The following BCO2 variants were observed in gnomAD, a reference collection of about 807,000 sequenced individuals.
BCO2 encodes the protein carotenoid-cleaving dioxygenase, mitochondrial.
BCO2 carries 56 observed loss-of-function variants against 65.8 expected under a neutral mutation model. The observed-to-expected ratio is 0.85, with a 90% CI of 0.69 to 1.06. The LOEUF (loss-of-function observed/expected upper bound fraction) is 1.06, where lower values mean the gene tolerates loss of function less well. Ranked by LOEUF, BCO2 falls within the 50% of genes least tolerant of loss-of-function variation. BCO2 has a pLI of 0.00. For synonymous variants in BCO2, 233 were observed against 242.3 expected, an observed-to-expected ratio of 0.96 and a Z score of 0.36; for missense variants, 675 against 698.5, an observed-to-expected ratio of 0.97 and a Z score of 0.38.
In BCO2 at chr11:112,196,915, T is replaced by TCCTTCCCTTCCCTTCCCTTCCCTTC. The variant is rs71060231; in HGVS notation, c.736+2186_736+2210dup. ...TTCTCCTTCCTTTCCTTCCTTTCCTTCCTTCCCTTCCCTTCCCTTCCCTTC... is the reference window on the plus strand; with the variant it reads ...TTCTCCTTCCTTTCCTTCCTTTCCTTCCTTCCCTTCCCTTCCCTTCCCTTCCCTTCCCTTCCCTTCCCTTCCCTTC... On this transcript the variant is annotated intron_variant, in intron 5 of 11. Coordinates refer to ENST00000357685, the MANE Select transcript of BCO2 (RefSeq NM_031938.7). 2.4e-3 allele frequency among the ~76,000 whole-genome samples: 301 copies of TCCTTCCCTTCCCTTCCCTTCCCTTC among 124,332 alleles called. 1 individual carries two copies. Among genetic ancestry groups the TCCTTCCCTTCCCTTCCCTTCCCTTC allele is most frequent in the African/African-American group, 9.0e-3 (274 of 30,444 alleles). The allele number at this position is 124,332 out of a possible 152,430, so 81.6% of individuals were successfully genotyped here.
chr11:112,179,815 C>G, intron 2 of BCO2: 1 of 299,078 alleles, frequency 3.3e-6, no homozygotes, highest in Non-Finnish European at 6.5e-6. Context: ...CTCTCCCTCA[C>G]CCAGCACTTG....
At chr11:112,204,536 G>A (rs1592858094) in intron 8 of BCO2, among the ~76,000 whole-genome samples, 1 of 152,158 alleles carries the variant, frequency 6.6e-6, no homozygotes, top group Non-Finnish European at 1.5e-5. Context: ...CCCTGAGATA[G>A]CAAGACCAAC....
chr11:112,198,754 G>A (rs1209273669), intron 5 of BCO2, among the ~76,000 whole-genome samples: 2 of 152,110 alleles, frequency 1.3e-5, no homozygotes, highest in Non-Finnish European at 2.9e-5. Flanking sequence ...GGGTCCAGAG[G>A]GCTGGAGGGA....
Position 112,208,922 on chromosome 11 carries a change from C to T in BCO2, c.1195-4802C>T, listed in dbSNP as rs568525525. The T allele has an allele frequency of 9.8e-4, 155 of 158,648 alleles. 1 individual carries two copies. The highest frequency in any genetic ancestry group is 1.8e-3 in the Non-Finnish European group (125 of 69,706). 9.8% of individuals were successfully genotyped at this position (158,648 alleles called of 1,614,324 possible). ...AATCACTGTGGCTGCTGTTTGTCAT[C>T]AGACAAAAGAATTACCTTTACAATA... On this transcript the variant is annotated intron_variant, in intron 8 of 11. Transcript: ENST00000357685.
chr11:112,209,089 T>C (rs969565867), intron 8 of BCO2, among the ~76,000 whole-genome samples: 11 of 152,144 alleles, frequency 7.2e-5, no homozygotes, highest in African/African-American at 2.7e-4. Context: ...AATGTAGGAG[T>C]GTTACATTAT....
chr11:112,211,800 C>T (rs995995657), intron 8 of BCO2, among the ~76,000 whole-genome samples: 6 of 152,148 alleles, frequency 3.9e-5, no homozygotes, highest in Admixed American at 2.0e-4. Context: ...CTTTTCATCC[C>T]AAACCTGGCC....
intron 8 of BCO2, chr11:112,208,943 C>A (rs1239746352): frequency 6.4e-6 from 1 of 155,954 alleles, no homozygotes; most frequent in Non-Finnish European, 1.4e-5. Context: ...ATTACCTTTA[C>A]AATAAAGGAC....
At chr11:112,177,451 A>G (rs920817806) in intron 1 of BCO2, among the ~76,000 whole-genome samples, 2 of 152,226 alleles carry the variant, frequency 1.3e-5, no homozygotes, top group Non-Finnish European at 2.9e-5. Context: ...CTGAAATAAA[A>G]CACAGTGTCA....
Position 112,218,060 on chromosome 11 carries a change from C to T in BCO2, c.*186C>T. ...ATGGGTTCGTTAGAAGTCCAAACCT[C>T]AGCAGCACACAATATACTCATGTAA... is the stretch of plus-strand genomic sequence containing the variant. On this transcript the variant is annotated 3_prime_UTR_variant, in exon 12 of 12. Coordinates refer to ENST00000357685, the MANE Select transcript of BCO2 (RefSeq NM_031938.7). The T allele has an allele frequency of 3.7e-6, 2 of 533,936 alleles. No homozygotes were observed. The highest frequency in any genetic ancestry group is 6.6e-6 in the Non-Finnish European group (2 of 301,540). 33.1% of individuals were successfully genotyped at this position (533,936 alleles called of 1,614,324 possible).
chr11:112,214,261 C>T (rs1355019679), intron 9 of BCO2, among the ~76,000 whole-genome samples: 2 of 152,186 alleles, frequency 1.3e-5, no homozygotes, highest in Non-Finnish European at 2.9e-5. Context: ...ATTCTCCTGC[C>T]TCAGCCTCTC....
rs1200350112 is a variant in BCO2 at position 112,194,770 on chromosome 11, A to C, written c.736+15A>C. On this transcript the variant is annotated intron_variant, in intron 5 of 11. Transcript: ENST00000357685. ...TGGGCCATATGGTAAAGTTGCAATA[A>C]AGGTCTTTTTAGAAATAATTGAGAC... The C allele has an allele frequency of 7.9e-6, 12 of 1,526,448 alleles. No individual in the cohort carries two copies. The highest frequency in any genetic ancestry group is 9.0e-6 in the Non-Finnish European group (10 of 1,107,516). The allele number at this position is 1,526,448 out of a possible 1,614,324, so 94.6% of individuals were successfully genotyped here.
chr11:112,194,221 A>G (rs1225014479), intron 4 of BCO2: 19 of 491,364 alleles, frequency 3.9e-5, no homozygotes, highest in Non-Finnish European at 6.6e-5. Flanking sequence ...TCTGAAGGCT[A>G]GGGTAAAGGA....
intron 2 of BCO2, among the ~76,000 whole-genome samples, chr11:112,189,423 T>TA (rs1867304773): frequency 2.9e-5 from 3 of 104,834 alleles, no homozygotes; most frequent in Admixed American, 9.3e-5. Flanking sequence ...TTTTTTTTTT[T>TA]GAGACAGAGT....
chr11:112,197,393 C>A (rs929083273), intron 5 of BCO2, among the ~76,000 whole-genome samples: 2 of 151,872 alleles, frequency 1.3e-5, no homozygotes, highest in Non-Finnish European at 2.9e-5. Flanking sequence ...ACAAAAAATA[C>A]AAAAATTAGC....
At chr11:112,188,555 C>T (rs559987661) in intron 2 of BCO2, among the ~76,000 whole-genome samples, 5 of 152,192 alleles carry the variant, frequency 3.3e-5, no homozygotes, top group Admixed American at 1.3e-4. Flanking sequence ...TCACCTGCTC[C>T]GCCCACATGC....
chr11:112,202,592 G>A (rs1429317980), intron 8 of BCO2, among the ~76,000 whole-genome samples: 1 of 152,054 alleles, frequency 6.6e-6, no homozygotes, highest in African/African-American at 2.4e-5. Flanking sequence ...TAGGAATTAC[G>A]TGTTTCTCTT....
chr11:112,182,247 TTGG>T (rs1867072213), intron 2 of BCO2, among the ~76,000 whole-genome samples: 1 of 152,176 alleles, frequency 6.6e-6, no homozygotes, highest in Non-Finnish European at 1.5e-5. Flanking sequence ...TTTTACACTG[TTGG>T]TGGGACTGTA....
rs565050495 is a variant in BCO2, at chr11:112,181,651, A to G, written c.293+2169A>G. 4.6e-6 allele frequency: 4 copies of G among 874,902 alleles called. No homozygotes were observed. In the East Asian group the frequency reaches 7.3e-5, roughly 16 times the overall value. 54.2% of individuals were successfully genotyped at this position (874,902 alleles called of 1,614,324 possible). On this transcript the variant is annotated intron_variant, in intron 2 of 11. Transcript: ENST00000357685. ...CTAAAAGTGGCAATAAAGAATTCTC[A>G]ACCACTGGAGGATCATTCACCAATA...
At chr11:112,181,233 G>A in intron 2 of BCO2, 2 of 666,636 alleles carry the variant, frequency 3.0e-6, no homozygotes, top group Non-Finnish European at 5.2e-6. Flanking sequence ...CCAGGCTGGA[G>A]TGCAGTGGCG....
Sources: gnomAD v4.1 joint callset for allele counts (sites outside exome capture counted in the v4.1 genomes callset) on GRCh38, gnomAD v4.1.1 for gene constraint, MANE v1.5 for transcripts, NCBI Gene and HGNC (gene_info 2026-07-23, HGNC 2026-07-21) for gene names.